The following NFATC3 variants were observed in gnomAD, a reference collection of about 807,000 sequenced individuals.
The protein encoded by NFATC3 is nuclear factor of activated T-cells, cytoplasmic 3.
A neutral mutation model predicts 98.6 loss-of-function variants in NFATC3; 46 were observed. The observed-to-expected ratio is 0.47, with a 90% confidence interval of 0.37 to 0.60. The LOEUF is 0.60. Ranked by LOEUF, NFATC3 falls within the 20% of genes least tolerant of loss-of-function variation. The pLI, the probability that NFATC3 is intolerant of heterozygous loss-of-function variation, is 0.00. For missense variants in NFATC3, 1,256 were observed against 1,295.5 expected, an observed-to-expected ratio of 0.97 and a Z score of 0.47; for synonymous variants, 512 against 472.2, an observed-to-expected ratio of 1.08 and a Z score of -1.09.
In NFATC3 at chr16:68,227,836, T is replaced by C. The variant is rs2042066425; in HGVS notation, c.*1365T>C. ...AACCTGCCCTTACCCCTCTCCCTAA[T>C]GGGATTTTTTTTACCTGTTCCTGGG... On this transcript the variant is annotated 3_prime_UTR_variant, in exon 10 of 10. Coordinates refer to ENST00000346183, the MANE Select transcript of NFATC3 (RefSeq NM_173165.3). 1 of 151,700 alleles carries C rather than the reference T, an allele frequency of 6.6e-6. No individual in the cohort carries two copies. The highest frequency in any genetic ancestry group is 1.5e-5 in the Non-Finnish European group (1 of 67,892). 9.4% of individuals were successfully genotyped at this position (151,700 alleles called of 1,614,324 possible). A position where few individuals can be genotyped will look rare whatever the true frequency, so the allele number is the denominator to read the frequency against.
At chr16:68,110,198 T>A (rs1463152232) in intron 1 of NFATC3, among the ~76,000 whole-genome samples, 3 of 151,368 alleles carry the variant, frequency 2.0e-5, no homozygotes, top group African/African-American at 7.3e-5. Context: ...AGAGACAGGG[T>A]TTTACCATGT....
At chr16:68,098,299 T>TC (rs750319228) in intron 1 of NFATC3, among the ~76,000 whole-genome samples, 1 of 111,678 alleles carries the variant, frequency 9.0e-6, no homozygotes, top group African/African-American at 3.8e-5. Context: ...TTATTATTAT[T>TC]ATTTTTTTTT....
At position 68,181,666 on chromosome 16, in the gene NFATC3, C is replaced by T. The variant is rs1008469400; in HGVS notation, c.1971+136C>T. ...TAAAATTAGGCTGGGCATGGTGGCTCATGCCTGTAATCCCAGCACTTTGGG... is the reference window on the plus strand; with the variant it reads ...TAAAATTAGGCTGGGCATGGTGGCTTATGCCTGTAATCCCAGCACTTTGGG... On this transcript the variant is annotated intron_variant, in intron 7 of 9. Coordinates refer to ENST00000346183, the MANE Select transcript of NFATC3 (RefSeq NM_173165.3). The T allele has an allele frequency of 1.8e-5, 11 of 605,358 alleles. 1 individual carries two copies. In the South Asian group the frequency reaches 2.0e-4, roughly 11 times the overall value. The allele number at this position is 605,358 out of a possible 1,614,324, so 37.5% of individuals were successfully genotyped here.
chr16:68,209,330 A>G (rs1375449223), intron 9 of NFATC3: 1 of 153,606 alleles, frequency 6.5e-6, no homozygotes, highest in Non-Finnish European at 1.4e-5. Context: ...TTGGGATGCT[A>G]CTGCACTCCA....
At position 68,115,728 on chromosome 16, in the gene NFATC3, T is replaced by C. The variant is rs142469170; in HGVS notation, c.104-6259T>C. Among the ~76,000 whole-genome samples the C allele has an allele frequency of 4.1e-4, 63 of 152,194 alleles. No individual in the cohort carries two copies. In the East Asian group the frequency reaches 0.012, roughly 29 times the overall value. ...GCGTGAGCCACCATACCTGGCCGAT[T>C]GTTTTTTTTTGTTGTTGTTGTTTGT... On this transcript the variant is annotated intron_variant, in intron 1 of 9. Coordinates refer to ENST00000346183, the MANE Select transcript of NFATC3 (RefSeq NM_173165.3).
Position 68,208,488 on chromosome 16 carries a change from A to G in NFATC3, c.3106+16713A>G, listed in dbSNP as rs189251701. On this transcript the variant is annotated intron_variant, in intron 9 of 9. Transcript: ENST00000346183. ...CACTTTGGGAGGCTGAGGCAGGCTGATCACCTGAGTTCAGGAGTTCAAGAC... is the reference window on the plus strand; with the variant it reads ...CACTTTGGGAGGCTGAGGCAGGCTGGTCACCTGAGTTCAGGAGTTCAAGAC... 6.2e-3 allele frequency among the ~76,000 whole-genome samples: 944 copies of G among 152,288 alleles called. 10 individuals carry two copies. Among genetic ancestry groups the G allele is most frequent in the African/African-American group, 0.022 (900 of 41,574 alleles).
At position 68,130,503 on chromosome 16, in the gene NFATC3, GT is replaced by G. The variant is rs372137539; in HGVS notation, c.1401+3900del. ...TTGCCCACTTTTTAGATTATTTGGG[GT>G]TTTTTTGGCTGTTGAGTTGTTTGAG... On this transcript the variant is annotated intron_variant, in intron 3 of 9. Coordinates refer to ENST00000346183, the MANE Select transcript of NFATC3 (RefSeq NM_173165.3). Among the ~76,000 whole-genome samples, 787 of 151,992 alleles carry G rather than the reference GT, an allele frequency of 5.2e-3. 7 individuals are homozygous for G. The highest frequency in any genetic ancestry group is 0.017 in the African/African-American group (700 of 41,470).
chr16:68,163,335 C>G (rs569836616), intron 4 of NFATC3, among the ~76,000 whole-genome samples: 1 of 151,660 alleles, frequency 6.6e-6, no homozygotes, highest in South Asian at 2.1e-4. Context: ...CGCCCCTCAC[C>G]TCCCGGGCGG....
chr16:68,193,593 C>T (rs1266416760), intron 9 of NFATC3, among the ~76,000 whole-genome samples: 2 of 151,950 alleles, frequency 1.3e-5, no homozygotes, highest in African/African-American at 2.4e-5. Context: ...CGCTTGAGTC[C>T]AGGAGTTCTA....
intron 1 of NFATC3, 101 bp downstream of exon 1, chr16:68,085,885 C>A: frequency 1.1e-6 from 1 of 924,148 alleles, no homozygotes; most frequent in Non-Finnish European, 1.5e-6. Flanking sequence ...GACCGATAAC[C>A]CTGTGTGTGT....
chr16:68,102,016 G>C (rs925831788), intron 1 of NFATC3, among the ~76,000 whole-genome samples: 28 of 152,010 alleles, frequency 1.8e-4, no homozygotes, highest in Admixed American at 1.8e-3. Flanking sequence ...TCATTTTGGT[G>C]GAGTACTTCC....
chr16:68,184,987 ATTT>A (rs541655102), intron 8 of NFATC3, among the ~76,000 whole-genome samples: 1 of 146,746 alleles, frequency 6.8e-6, no homozygotes, highest in Non-Finnish European at 1.5e-5. Context: ...TTATTTATTT[ATTT>A]TTTTTTTTTG....
At chr16:68,197,878 A>G (rs1338411004) in intron 9 of NFATC3, among the ~76,000 whole-genome samples, 1 of 152,142 alleles carries the variant, frequency 6.6e-6, no homozygotes, top group Non-Finnish European at 1.5e-5. Flanking sequence ...TTAATTTTTG[A>G]AGTTTTTAAG....
intron 2 of NFATC3, among the ~76,000 whole-genome samples, chr16:68,124,977 C>T (rs538938210): frequency 1.3e-5 from 2 of 152,204 alleles, no homozygotes; most frequent in East Asian, 1.9e-4. Context: ...GTGATCTGCC[C>T]GCCTCGGCCT....
chr16:68,110,793 T>C (rs893298679), intron 1 of NFATC3, among the ~76,000 whole-genome samples: 14 of 152,196 alleles, frequency 9.2e-5, no homozygotes, highest in Admixed American at 7.9e-4. Context: ...GGGCATTTAG[T>C]GCTATAAATT....
intron 3 of NFATC3, among the ~76,000 whole-genome samples, chr16:68,155,815 T>TAC (rs201494976): frequency 7.3e-5 from 11 of 151,602 alleles, no homozygotes; most frequent in South Asian, 4.2e-4. Context: ...TAAACAACCA[T>TAC]ACACACACAC....
At chr16:68,160,597 A>G (rs1227144917) in intron 4 of NFATC3, among the ~76,000 whole-genome samples, 1 of 152,210 alleles carries the variant, frequency 6.6e-6, no homozygotes, top group Non-Finnish European at 1.5e-5. Flanking sequence ...GATGGACAGT[A>G]CTCAAGAACC....
intron 3 of NFATC3, among the ~76,000 whole-genome samples, chr16:68,151,234 A>C (rs2038303337): frequency 6.6e-6 from 1 of 152,124 alleles, no homozygotes; most frequent in African/African-American, 2.4e-5. Context: ...ATGACTATAG[A>C]AGACACAGTG....
chr16:68,094,799 A>G (rs188769584), intron 1 of NFATC3, among the ~76,000 whole-genome samples: 19 of 152,356 alleles, frequency 1.2e-4, no homozygotes, highest in Non-Finnish European at 1.9e-4. Flanking sequence ...TATATGCAAA[A>G]TAGTTACATT....
Sources: gnomAD v4.1 joint callset for allele counts (sites outside exome capture counted in the v4.1 genomes callset) on GRCh38, gnomAD v4.1.1 for gene constraint, MANE v1.5 for transcripts, NCBI Gene and HGNC (gene_info 2026-07-23, HGNC 2026-07-21) for gene names.